ZNF410: variants seen among roughly 807,000 people sequenced by gnomAD.
The protein encoded by ZNF410 is another partner for ARF 1.
In ZNF410, 18 loss-of-function variants were observed where a neutral mutation model predicts 54.8. The observed-to-expected ratio is 0.33, with a 90% CI of 0.23 to 0.49. ZNF410 has a LOEUF of 0.49. Ranked by LOEUF, ZNF410 falls within the 20% of genes least tolerant of loss-of-function variation. The pLI, the probability that ZNF410 is intolerant of heterozygous loss-of-function variation, is 0.99. For synonymous variants in ZNF410, 191 were observed against 207.3 expected (o/e 0.92, Z 0.68); for missense variants, 405 against 569.6 (o/e 0.71, Z 2.94).
At position 73,909,337 on chromosome 14, in the gene ZNF410, C is replaced by G. The variant is rs370298827; in HGVS notation, c.914-4C>G. Reference sequence around the variant, plus strand: ...TGAGTCTTTATCTCATTTTCTGTCTCTAGGAGAGAAACCTTTCCTTTGTGA... The same window carrying G: ...TGAGTCTTTATCTCATTTTCTGTCTGTAGGAGAGAAACCTTTCCTTTGTGA... On this transcript the variant is annotated splice_region_variant and splice_polypyrimidine_tract_variant and intron_variant, in intron 7 of 11. Coordinates refer to ENST00000555044, the MANE Select transcript of ZNF410 (RefSeq NM_021188.3). The G allele has an allele frequency of 1.5e-5, 24 of 1,612,714 alleles. 1 individual carries two copies. In the Middle Eastern group the frequency reaches 6.6e-4, roughly 44 times the overall value.
At chr14:73,893,594 T>C (rs2055264486) in intron 2 of ZNF410, 2 of 495,012 alleles carry the variant, frequency 4.0e-6, no homozygotes, top group East Asian at 6.9e-5. Flanking sequence ...AAATGTCGTT[T>C]TGCAGCACAT....
chr14:73,931,395 C>T, intron 11 of ZNF410, 108 bp from the exon 12 acceptor site: 1 of 922,686 alleles, frequency 1.1e-6, no homozygotes, highest in Non-Finnish European at 1.7e-6. Flanking sequence ...CCTTCATTCA[C>T]CCCTGTAGTG....
intron 11 of ZNF410, among the ~76,000 whole-genome samples, chr14:73,925,456 G>A (rs2055815850): frequency 6.6e-6 from 1 of 150,472 alleles, no homozygotes; most frequent in African/African-American, 2.4e-5. Flanking sequence ...TTGAGATGGA[G>A]TCCCACTGTC....
chr14:73,896,504 T>C lies in ZNF410; in HGVS notation c.358T>C (p.Ser120Pro), dbSNP rs890151653. Residue 120 changes from serine (S) to proline (P), a missense_variant, in exon 4 of 12, where the codon TCT becomes CCT. Around this residue, in one of 3 missense-constraint regions of ZNF410, gnomAD observed 247 missense variants for 342.8 expected, o/e 0.72. Transcript: ENST00000555044. ...AGATCTACAGCCAAGTGATAGCACT[T>C]CTTTTATTCTTCTTAACCTAACAAG... ...LQDLQPSDST[S>P]FILLNLTRAG... 4 of 1,614,114 alleles carry C rather than the reference T, an allele frequency of 2.5e-6. No individual in the cohort carries two copies. In the African/African-American group the frequency reaches 5.3e-5, roughly 22 times the overall value.
In ZNF410 at chr14:73,923,485, A is replaced by G. The variant is rs1231780051; in HGVS notation, c.1361A>G (p.Tyr454Cys). 7 of 1,613,812 alleles carry G rather than the reference A, an allele frequency of 4.3e-6. No individual in the cohort carries two copies. The Admixed American group carries it at 5.0e-5, about 12-fold the overall frequency. Reference sequence around the variant, plus strand: ...ACCATGCAGTCAGGGAGGCAATCATATGAAGTTTCTGTCTTAACTGCAGTA... The same window carrying G: ...ACCATGCAGTCAGGGAGGCAATCATGTGAAGTTTCTGTCTTAACTGCAGTA... The part of the protein sequence containing the change: ...LVTMQSGRQS[Y>C]EVSVLTAVNP... Residue 454 changes from tyrosine (Y) to cysteine (C), a missense_variant, in exon 11 of 12, where the codon TAT becomes TGT. Coordinates refer to ENST00000555044, the MANE Select transcript of ZNF410 (RefSeq NM_021188.3).
intron 5 of ZNF410, among the ~76,000 whole-genome samples, chr14:73,900,012 G>A (rs941052601): frequency 5.1e-4 from 78 of 151,924 alleles, no homozygotes; most frequent in Non-Finnish European, 7.9e-4. Flanking sequence ...CCTGACCAAC[G>A]TGGAGAAATC....
At chr14:73,904,193 C>T in intron 6 of ZNF410, 83 bp downstream of exon 6, 1 of 1,488,852 alleles carries the variant, frequency 6.7e-7, no homozygotes, top group South Asian at 1.4e-5. Context: ...CTCAGGTTGA[C>T]AAATTACAGG....
chr14:73,893,607 CTT>C (rs937119858), intron 2 of ZNF410, 188 bp from the exon 3 acceptor site: 17 of 576,090 alleles, frequency 3.0e-5, no homozygotes, highest in Non-Finnish European at 4.1e-5. Flanking sequence ...CAGCACATGA[CTT>C]TATATAAATC....
At chr14:73,921,633 A>C (rs1279104886) in intron 9 of ZNF410, among the ~76,000 whole-genome samples, 1 of 152,114 alleles carries the variant, frequency 6.6e-6, no homozygotes, top group African/African-American at 2.4e-5. Context: ...AGGTGCCACC[A>C]CACCTGGCTG....
At chr14:73,909,658 T>C (rs1470062906) in intron 8 of ZNF410, 21 of 428,660 alleles carry the variant, frequency 4.9e-5, no homozygotes, top group Non-Finnish European at 8.7e-5. Context: ...AATAAAGCCT[T>C]CTTTTGAAGA....
intron 5 of ZNF410, among the ~76,000 whole-genome samples, chr14:73,902,982 G>A (rs373271793): frequency 6.6e-6 from 1 of 152,150 alleles, no homozygotes; most frequent in East Asian, 1.9e-4. Context: ...ACTAAAGAAG[G>A]GTGGTACAGG....
At chr14:73,924,892 T>C (rs2055806472) in intron 11 of ZNF410, 1 of 321,212 alleles carries the variant, frequency 3.1e-6, no homozygotes, top group Non-Finnish European at 6.0e-6. Context: ...TTGGCCAGGA[T>C]GGTCTCGATC....
chr14:73,921,130 C>CGCT, intron 9 of ZNF410, 25 bp downstream of exon 9: 2 of 1,612,034 alleles, frequency 1.2e-6, no homozygotes, highest in Non-Finnish European at 1.7e-6. Flanking sequence ...CATAGTGGAA[C>CGCT]GCTGTACTAC....
chr14:73,931,597 TG>T lies in ZNF410; in HGVS notation c.*59del. 5.2e-6 allele frequency: 8 copies of T among 1,543,112 alleles called. No individual in the cohort carries two copies. Among genetic ancestry groups the T allele is most frequent in the Non-Finnish European group, 7.2e-6 (8 of 1,118,564 alleles). ...CTATCTGATCTCAAAATGCGTATACTGGGAACAGGATGCCTTAGCCCACAAC... is the reference window on the plus strand; with the variant it reads ...CTATCTGATCTCAAAATGCGTATACTGGAACAGGATGCCTTAGCCCACAAC... On this transcript the variant is annotated 3_prime_UTR_variant, in exon 12 of 12. Transcript: ENST00000555044.
rs113745114 is a variant in ZNF410, at chr14:73,906,685, G to A, written c.913+1602G>A. 9.0e-3 allele frequency among the ~76,000 whole-genome samples: 1,372 copies of A among 152,002 alleles called. 12 individuals carry two copies. Among genetic ancestry groups the A allele is most frequent in the African/African-American group, 0.032 (1,310 of 41,450 alleles). On this transcript the variant is annotated intron_variant, in intron 7 of 11. Transcript: ENST00000555044. ...GTAGAGACCGGGTTTTGCCATGTTGGCCAGGCTGTTCTCGAATTCCTGACC... is the reference window on the plus strand; with the variant it reads ...GTAGAGACCGGGTTTTGCCATGTTGACCAGGCTGTTCTCGAATTCCTGACC...
intron 8 of ZNF410, chr14:73,914,053 T>C (rs2055626297): frequency 6.6e-6 from 1 of 152,308 alleles, no homozygotes; most frequent in Non-Finnish European, 1.5e-5. Flanking sequence ...CTTGCTTTTT[T>C]TTGAGACATG....
At chr14:73,889,813 T>C (rs947876104) in intron 1 of ZNF410, among the ~76,000 whole-genome samples, 1 of 27,842 alleles carries the variant, frequency 3.6e-5, no homozygotes, top group African/African-American at 7.4e-5. Flanking sequence ...TTTTTTTTTC[T>C]CGACACAGAG....
chr14:73,907,632 C>T (rs2140309069), intron 7 of ZNF410, among the ~76,000 whole-genome samples: 1 of 152,142 alleles, frequency 6.6e-6, no homozygotes, highest in Non-Finnish European at 1.5e-5. Context: ...TGGCTCATGC[C>T]TGTAATCCCA....
intron 11 of ZNF410, among the ~76,000 whole-genome samples, chr14:73,930,749 T>C (rs1349560601): frequency 2.0e-5 from 3 of 152,092 alleles, no homozygotes. Context: ...ACTGCAAGCA[T>C]GTACCACCAT....
Sources: allele counts gnomAD v4.1 joint callset (sites outside exome capture counted in the v4.1 genomes callset), GRCh38; gene constraint gnomAD v4.1.1; regional missense constraint gnomAD v4.1.1; transcripts MANE v1.5; gene names NCBI Gene and HGNC (gene_info 2026-07-23, HGNC 2026-07-21).